MITF: variants seen among roughly 807,000 people sequenced by gnomAD.
The protein encoded by MITF is microphthalmia-associated transcription factor.
In MITF, 17 loss-of-function variants were observed where a neutral mutation model predicts 60.5. The ratio of observed to expected loss-of-function variants is 0.28; its 90% CI spans 0.19 to 0.42. The LOEUF (loss-of-function observed/expected upper bound fraction) is 0.42, where lower values mean the gene tolerates loss of function less well. Among genes scored for constraint, MITF ranks in the 10% least tolerant of loss-of-function variants. The pLI, the probability that MITF is intolerant of heterozygous loss-of-function variation, is 1.00. For missense variants in MITF, 622 were observed against 683.5 expected, an observed-to-expected ratio of 0.91 and a Z score of 1.00; for synonymous variants, 260 against 248.5, an observed-to-expected ratio of 1.05 and a Z score of -0.43.
chr3:69,918,402 A>G (rs1036437740), intron 2 of MITF, among the ~76,000 whole-genome samples: 1 of 152,190 alleles, frequency 6.6e-6, no homozygotes, highest in African/African-American at 2.4e-5. Flanking sequence ...TCCTGGTATT[A>G]AGGATGACAA....
At chr3:69,911,169 T>G (rs2065216986) in intron 2 of MITF, among the ~76,000 whole-genome samples, 1 of 152,174 alleles carries the variant, frequency 6.6e-6, no homozygotes, top group South Asian at 2.1e-4. Context: ...TTCTTCCTCA[T>G]TTTCTCTTGC....
At chr3:69,797,603 T>C (rs1245671659) in intron 1 of MITF, among the ~76,000 whole-genome samples, 1 of 152,212 alleles carries the variant, frequency 6.6e-6, no homozygotes, top group Admixed American at 6.5e-5. Flanking sequence ...TGAATTCTCA[T>C]AGTTTAATAT....
intron 1 of MITF, chr3:69,769,594 T>G (rs376642889): frequency 6.6e-6 from 1 of 152,186 alleles, no homozygotes; most frequent in African/African-American, 2.4e-5. Context: ...ATTTCTAACC[T>G]GGGCTGGTTT....
intron 2 of MITF, among the ~76,000 whole-genome samples, chr3:69,900,770 G>A (rs945644859): frequency 1.3e-5 from 2 of 152,170 alleles, no homozygotes; most frequent in Non-Finnish European, 2.9e-5. Flanking sequence ...AAAGGATGAG[G>A]AGCAATGCTC....
chr3:69,760,186 G>A (rs1315995654), intron 1 of MITF, among the ~76,000 whole-genome samples: 1 of 152,210 alleles, frequency 6.6e-6, no homozygotes, highest in African/African-American at 2.4e-5. Flanking sequence ...AATTTTGACA[G>A]ATTTTTAATC....
At chr3:69,964,212 A>T (rs1347112323) in intron 9 of MITF, among the ~76,000 whole-genome samples, 6 of 151,672 alleles carry the variant, frequency 4.0e-5, no homozygotes, top group Non-Finnish European at 8.8e-5. Flanking sequence ...TCCTGACCTC[A>T]GGTGATCCGC....
intron 1 of MITF, among the ~76,000 whole-genome samples, chr3:69,840,046 C>T (rs2063607910): frequency 6.6e-6 from 1 of 152,020 alleles, no homozygotes; most frequent in South Asian, 2.1e-4. Flanking sequence ...AATTTAGGAG[C>T]TTTTAAATGC....
chr3:69,806,635 C>T (rs2063013770), intron 1 of MITF, among the ~76,000 whole-genome samples: 1 of 152,064 alleles, frequency 6.6e-6, no homozygotes, highest in Non-Finnish European at 1.5e-5. Flanking sequence ...TGTAACAGTT[C>T]CACTTAATTT....
intron 2 of MITF, among the ~76,000 whole-genome samples, chr3:69,910,421 A>C (rs1306440457): frequency 6.6e-6 from 1 of 152,216 alleles, no homozygotes; most frequent in East Asian, 1.9e-4. Flanking sequence ...GACACTGCCT[A>C]GTGGAGCTGT....
intron 2 of MITF, among the ~76,000 whole-genome samples, chr3:69,931,409 T>C (rs957746271): frequency 2.0e-5 from 3 of 152,188 alleles, no homozygotes; most frequent in African/African-American, 7.2e-5. Flanking sequence ...TGATAACACC[T>C]TTTTTCTGAG....
chr3:69,773,291 G>C (rs1489871179), intron 1 of MITF, among the ~76,000 whole-genome samples: 1 of 152,186 alleles, frequency 6.6e-6, no homozygotes, highest in African/African-American at 2.4e-5. Context: ...GAAGGAATGG[G>C]ATTGGGGCAG....
intron 1 of MITF, among the ~76,000 whole-genome samples, chr3:69,818,192 G>T (rs927984557): frequency 4.6e-5 from 7 of 152,164 alleles, no homozygotes; most frequent in African/African-American, 1.7e-4. Context: ...CTTCTCATCA[G>T]TAGGACAAAG....
intron 5 of MITF, among the ~76,000 whole-genome samples, chr3:69,944,844 T>G (rs190212917): frequency 1.1e-4 from 17 of 152,266 alleles, no homozygotes; most frequent in Admixed American, 4.6e-4. Context: ...TGAACTTGGG[T>G]TTTAGTTGTC....
chr3:69,796,494 CTTTTTTTTT>C (rs767834091), intron 1 of MITF, among the ~76,000 whole-genome samples: 14 of 80,328 alleles, frequency 1.7e-4, no homozygotes, highest in African/African-American at 6.1e-4. Flanking sequence ...CACCGTCTTT[CTTTTTTTTT>C]TTTTTTTTTT....
At chr3:69,767,715 G>A (rs994738675) in intron 1 of MITF, among the ~76,000 whole-genome samples, 10 of 152,200 alleles carry the variant, frequency 6.6e-5, no homozygotes, top group African/African-American at 2.2e-4. Flanking sequence ...GTCTAAGCAC[G>A]GAGTGTGGCT....
chr3:69,910,467 G>C (rs1053363415), intron 2 of MITF, among the ~76,000 whole-genome samples: 5 of 152,138 alleles, frequency 3.3e-5, no homozygotes, highest in African/African-American at 1.2e-4. Flanking sequence ...CCCCAGAATG[G>C]TAGATCCACT....
intron 1 of MITF, chr3:69,838,757 G>A (rs996023630): frequency 1.3e-5 from 2 of 152,590 alleles, no homozygotes; most frequent in African/African-American, 4.8e-5. Context: ...AAAGACATTG[G>A]TCGCATTTCA....
chr3:69,824,741 C>T (rs186121757), intron 1 of MITF, among the ~76,000 whole-genome samples: 3 of 152,296 alleles, frequency 2.0e-5, no homozygotes, highest in Non-Finnish European at 4.4e-5. Context: ...TGCATAGTGG[C>T]CACAGCCGCA....
chr3:69,781,038 C>T (rs1322715300), intron 1 of MITF, among the ~76,000 whole-genome samples: 1 of 151,508 alleles, frequency 6.6e-6, no homozygotes, highest in Non-Finnish European at 1.5e-5. Flanking sequence ...ATTCATGTTA[C>T]TTTGAAGTTT....
Sources: gnomAD v4.1 joint callset for allele counts (sites outside exome capture counted in the v4.1 genomes callset) on GRCh38, gnomAD v4.1.1 for gene constraint, MANE v1.5 for transcripts, NCBI Gene and HGNC (gene_info 2026-07-23, HGNC 2026-07-21) for gene names.